The following ABCA5 variants were observed in gnomAD, a reference collection of about 807,000 sequenced individuals.
ABCA5 encodes ATP binding cassette subfamily A member 5.
ABCA5 carries 163 observed loss-of-function variants against 206.0 expected under a neutral mutation model. The ratio of observed to expected loss-of-function variants is 0.79; its 90% CI spans 0.70 to 0.90. ABCA5 has a LOEUF of 0.90. Ranked by LOEUF, ABCA5 falls within the 40% of genes least tolerant of loss-of-function variation. ABCA5 has a pLI of 0.00. For synonymous variants in ABCA5, 609 were observed against 613.8 expected (o/e 0.99, Z 0.11); for missense variants, 1,859 against 1,912.9 (o/e 0.97, Z 0.53).
At chr17:69,308,137 T>C (rs908003576) in intron 5 of ABCA5, 143 bp downstream of exon 5, 1 of 409,180 alleles carries the variant, frequency 2.4e-6, no homozygotes, top group Non-Finnish European at 4.3e-6. Flanking sequence ...TATGACTTTT[T>C]TATCTTTTTT....
intron 9 of ABCA5, 140 bp downstream of exon 9, chr17:69,300,999 A>T: frequency 1.5e-6 from 1 of 661,200 alleles, no homozygotes; most frequent in Non-Finnish European, 2.3e-6. Context: ...ATACTTATTT[A>T]AAGTCAAATT....
At chr17:69,279,119 T>G (rs1030630964) in intron 18 of ABCA5, among the ~76,000 whole-genome samples, 1 of 151,954 alleles carries the variant, frequency 6.6e-6, no homozygotes, top group Non-Finnish European at 1.5e-5. Context: ...GATGACATGA[T>G]TGTATATCTA....
chr17:69,325,141 C>CAAA (rs11320196), intron 1 of ABCA5, among the ~76,000 whole-genome samples: 5 of 118,108 alleles, frequency 4.2e-5, no homozygotes, highest in East Asian at 2.4e-4. Flanking sequence ...CTGTCTCTAC[C>CAAA]AAAAAAAAAA....
chr17:69,289,922 T>C lies in ABCA5; in HGVS notation c.1722A>G (p.Glu574=), dbSNP rs774662187. ...TTGAAGCCAAAATTGATAAATTTTC[T>C]TCTACTGTCAAAACATCAAAGTGTA... ...LDIHFDVLTV[E]ENLSILASIK... Residue 574 remains glutamate (E), a synonymous_variant, in exon 13 of 39, where the codon GAA becomes GAG. Transcript: ENST00000392676. 4 of 1,612,134 alleles carry C rather than the reference T, an allele frequency of 2.5e-6. No individual in the cohort carries two copies. In the Admixed American group the frequency reaches 6.7e-5, roughly 27 times the overall value.
Position 69,313,102 on chromosome 17 carries a change from A to G in ABCA5, c.297T>C (p.His99=). ...SSIMQKVSTD[H]LPDVIITEEY... is the part of the protein sequence containing the mutation. Reference sequence around the variant, plus strand: ...ATAAGCTCACAATACCATCAGGTAGATGATCAGTAGACACTTTCTGCATGA... The same window carrying G: ...ATAAGCTCACAATACCATCAGGTAGGTGATCAGTAGACACTTTCTGCATGA... Residue 99 remains histidine (H), a synonymous_variant, in exon 3 of 39, where the codon CAT becomes CAC. Transcript: ENST00000392676. 1 of 1,602,608 alleles carries G rather than the reference A, an allele frequency of 6.2e-7. No individual in the cohort carries two copies. The highest frequency in any genetic ancestry group is 8.5e-7 in the Non-Finnish European group (1 of 1,173,846).
chr17:69,293,860 G>T (rs927750014), intron 11 of ABCA5, among the ~76,000 whole-genome samples: 9 of 107,816 alleles, frequency 8.3e-5, no homozygotes, highest in Non-Finnish European at 1.5e-4. Flanking sequence ...GTGTGTGTGT[G>T]TGTGTGTGTG....
chr17:69,304,586 T>C (rs751544818), intron 7 of ABCA5, 83 bp downstream of exon 7: 4 of 1,218,840 alleles, frequency 3.3e-6, no homozygotes, highest in African/African-American at 3.1e-5. Context: ...AAATTGACTA[T>C]AAGTAAACTG....
Position 69,259,213 on chromosome 17 carries a change from T to C in ABCA5, c.3731+493A>G, listed in dbSNP as rs559893422. ...GAAAAGTAAAAGCAACTCATTAAGA[T>C]ATATAAAAAGTGCTACACACGACTA... On this transcript the variant is annotated intron_variant, in intron 28 of 38. Coordinates refer to ENST00000392676, the MANE Select transcript of ABCA5 (RefSeq NM_172232.4). 2.0e-5 allele frequency among the ~76,000 whole-genome samples: 3 copies of C among 152,134 alleles called. No individual in the cohort carries two copies. In the East Asian group the frequency reaches 5.8e-4, roughly 29 times the overall value.
At chr17:69,270,465 T>G (rs1327707102) in intron 22 of ABCA5, 148 bp downstream of exon 22, 1 of 671,474 alleles carries the variant, frequency 1.5e-6, no homozygotes, top group East Asian at 3.3e-5. Context: ...TAAACCTTAA[T>G]GTAAACCGTT....
Position 69,248,334 on chromosome 17 carries a change from ATAG to A in ABCA5, c.4766-20_4766-18del. 1 of 1,455,778 alleles carries A rather than the reference ATAG, an allele frequency of 6.9e-7. No individual in the cohort carries two copies. Among genetic ancestry groups the A allele is most frequent in the South Asian group, 1.2e-5 (1 of 80,262 alleles). The allele number at this position is 1,455,778 out of a possible 1,614,324, so 90.2% of individuals were successfully genotyped here. A position where few individuals can be genotyped will look rare whatever the true frequency, so the allele number is the denominator to read the frequency against. Reference sequence around the variant, plus strand: ...CATGTTTAGCTATTAAAATATAAAAATAGTATTTTACTTATCAATATCTGAAAA... The same window carrying A: ...CATGTTTAGCTATTAAAATATAAAAATATTTTACTTATCAATATCTGAAAA... On this transcript the variant is annotated intron_variant, in intron 37 of 38. Transcript: ENST00000392676.
intron 3 of ABCA5, among the ~76,000 whole-genome samples, chr17:69,312,565 GCTTC>G (rs984249324): frequency 6.6e-6 from 1 of 152,046 alleles, no homozygotes; most frequent in Non-Finnish European, 1.5e-5. Flanking sequence ...CATATTTCTA[GCTTC>G]CTTTTTAAAT....
At position 69,264,923 on chromosome 17, in the gene ABCA5, C is replaced by T. The variant is rs2075191528; in HGVS notation, c.3145-18G>A. 7.0e-7 allele frequency: 1 copy of T among 1,438,090 alleles called. No individual in the cohort carries two copies. Among genetic ancestry groups the T allele is most frequent in the Non-Finnish European group, 9.2e-7 (1 of 1,085,824 alleles). 89.1% of individuals were successfully genotyped at this position (1,438,090 alleles called of 1,614,324 possible). ...GCTTTGATCTAAAAAAAATGAAAAA[C>T]AATTTATTATAATTTTAGACACTTT... On this transcript the variant is annotated intron_variant, in intron 23 of 38. Transcript: ENST00000392676.
chr17:69,264,498 C>G lies in ABCA5; in HGVS notation c.3315+237G>C, dbSNP rs561091948. Among the ~76,000 whole-genome samples the G allele has an allele frequency of 2.6e-5, 4 of 152,204 alleles. No individual in the cohort carries two copies. In the South Asian group the frequency reaches 8.3e-4, roughly 32 times the overall value. On this transcript the variant is annotated intron_variant, in intron 24 of 38. Transcript: ENST00000392676. The stretch of plus-strand genomic sequence containing the variant: ...TCCTGATTACACCCAAGTAGGTGGT[C>G]TACATGAAAGATCACTTTAGTTTCA...
intron 14 of ABCA5, among the ~76,000 whole-genome samples, chr17:69,288,403 T>C (rs1281213350): frequency 6.6e-6 from 1 of 152,188 alleles, no homozygotes; most frequent in Admixed American, 6.5e-5. Context: ...AGCAGGACAG[T>C]GATAAACTGA....
rs2075897287 is a variant in ABCA5, at chr17:69,326,447, C to G, written c.-16+605G>C. ...TAATAGCTCCAGCCTGCCCAGCTTTCCGATCCAATTAAGTATTTCCATGCC... is the reference window on the plus strand; with the variant it reads ...TAATAGCTCCAGCCTGCCCAGCTTTGCGATCCAATTAAGTATTTCCATGCC... On this transcript the variant is annotated intron_variant, in intron 1 of 38. Coordinates refer to ENST00000392676, the MANE Select transcript of ABCA5 (RefSeq NM_172232.4). The surrounding 1 kb of genome is among the most constrained non-coding windows in gnomAD (Gnocchi z 4.8). Among the ~76,000 whole-genome samples the G allele has an allele frequency of 1.3e-5, 2 of 152,206 alleles. No individual in the cohort carries two copies. The highest frequency in any genetic ancestry group is 4.8e-5 in the African/African-American group (2 of 41,444).
At position 69,289,877 on chromosome 17, in the gene ABCA5, G is replaced by C. The variant is rs758245704; in HGVS notation, c.1767C>G (p.Asn589Lys). The C allele has an allele frequency of 1.2e-6, 2 of 1,607,222 alleles. No homozygotes were observed. The highest frequency in any genetic ancestry group is 1.7e-6 in the Non-Finnish European group (2 of 1,177,028). Residue 589 changes from asparagine to lysine, a missense_variant, in exon 13 of 39, where the codon AAC becomes AAG. By Grantham distance (94) the Asn-to-Lys change is moderately conservative. Coordinates refer to ENST00000392676, the MANE Select transcript of ABCA5 (RefSeq NM_172232.4). ...ILASIKGIPA[N>K]NIIQEVQKVL... ...AATAGCATACTTCTTGTATTATATT[G>C]TTGGCTGGTATCCCTTTGATTGAAG... is the stretch of plus-strand genomic sequence containing the variant.
intron 1 of ABCA5, among the ~76,000 whole-genome samples, chr17:69,321,907 T>C (rs1446628081): frequency 1.3e-5 from 2 of 152,134 alleles, no homozygotes; most frequent in East Asian, 3.8e-4. Context: ...CTTTCCTAGA[T>C]AAATAATTTA....
chr17:69,279,879 A>G (rs1035702379), intron 18 of ABCA5, among the ~76,000 whole-genome samples: 2 of 152,250 alleles, frequency 1.3e-5, no homozygotes, highest in African/African-American at 4.8e-5. Context: ...TACAAAAATC[A>G]ATTCAAGATG....
At chr17:69,281,297 AG>A (rs2075390816) in intron 18 of ABCA5, among the ~76,000 whole-genome samples, 2 of 151,480 alleles carry the variant, frequency 1.3e-5, no homozygotes, top group South Asian at 4.1e-4. Flanking sequence ...TAATATAAAA[AG>A]AAATCAGATT....
Sources: allele counts gnomAD v4.1 joint callset (sites outside exome capture counted in the v4.1 genomes callset), GRCh38; gene constraint gnomAD v4.1.1; non-coding constraint Gnocchi (gnomAD v3.1); transcripts MANE v1.5; gene names NCBI Gene and HGNC (gene_info 2026-07-23, HGNC 2026-07-21).